The following ANO2 variants were observed in gnomAD, a reference collection of about 807,000 sequenced individuals.
ANO2 encodes the protein anoctamin 2.
Under a neutral mutation model 124.2 loss-of-function variants are expected in ANO2, and 101 were observed. The observed-to-expected ratio is 0.81, with a 90% CI of 0.69 to 0.96. The LOEUF is 0.96. Ranked by LOEUF, ANO2 falls within the 40% of genes least tolerant of loss-of-function variation. The pLI is 0.00. For missense variants in ANO2, 1,293 were observed against 1,274.5 expected, an observed-to-expected ratio of 1.01 and a Z score of -0.22; for synonymous variants, 486 against 482.5, an observed-to-expected ratio of 1.01 and a Z score of -0.09.
At chr12:5,691,209 TC>T (rs1446125296) in intron 14 of ANO2, among the ~76,000 whole-genome samples, 4 of 150,896 alleles carry the variant, frequency 2.7e-5, no homozygotes, top group African/African-American at 9.8e-5. Context: ...ATGCTTGTAA[TC>T]CCAGCTACTC....
intron 10 of ANO2, among the ~76,000 whole-genome samples, chr12:5,766,370 T>C (rs1348575809): frequency 6.6e-6 from 1 of 152,170 alleles, no homozygotes; most frequent in Non-Finnish European, 1.5e-5. Context: ...TATATAGCAA[T>C]GAGAATGAAC....
chr12:5,625,609 C>T lies in ANO2; in HGVS notation c.1816+9543G>A, dbSNP rs138577053. 3.5e-4 allele frequency among the ~76,000 whole-genome samples: 54 copies of T among 152,208 alleles called. 1 individual carries two copies. The highest frequency in any genetic ancestry group is 1.0e-3 in the African/African-American group (42 of 41,542). ...GCCCCTGTGATTCTGCTCCCCAAAA[C>T]CCAAAACCCCCAAACCCCAGCTCAT... On this transcript the variant is annotated intron_variant, in intron 16 of 24. Coordinates refer to ENST00000682330, the MANE Select transcript of ANO2 (RefSeq NM_001364791.2).
At chr12:5,580,649 C>T (rs1287015510) in intron 20 of ANO2, among the ~76,000 whole-genome samples, 5 of 152,132 alleles carry the variant, frequency 3.3e-5, no homozygotes, top group Admixed American at 3.3e-4. Flanking sequence ...AAAACTGACA[C>T]AAATGGGAAA....
At chr12:5,725,371 GA>G (rs1217078529) in intron 14 of ANO2, among the ~76,000 whole-genome samples, 1 of 151,992 alleles carries the variant, frequency 6.6e-6, no homozygotes, top group Non-Finnish European at 1.5e-5. Context: ...TCCAACCAAG[GA>G]CCCCACTTGT....
intron 14 of ANO2, among the ~76,000 whole-genome samples, chr12:5,710,949 G>A (rs1307275856): frequency 6.6e-6 from 1 of 152,030 alleles, no homozygotes; most frequent in Non-Finnish European, 1.5e-5. Flanking sequence ...ACGAGGTCAG[G>A]AGATCGAGAC....
At chr12:5,797,858 G>A (rs1016215189) in intron 10 of ANO2, among the ~76,000 whole-genome samples, 12 of 152,086 alleles carry the variant, frequency 7.9e-5, no homozygotes, top group Admixed American at 1.3e-4. Flanking sequence ...AGACAGATTT[G>A]AGCTCTCCAT....
chr12:5,808,552 C>T (rs1037323600), intron 7 of ANO2, among the ~76,000 whole-genome samples: 1 of 152,070 alleles, frequency 6.6e-6, no homozygotes, highest in African/African-American at 2.4e-5. Context: ...ATTTCTGGTA[C>T]ACAATGATTT....
intron 10 of ANO2, among the ~76,000 whole-genome samples, chr12:5,784,866 G>A (rs979493165): frequency 2.6e-5 from 4 of 152,188 alleles, no homozygotes; most frequent in Admixed American, 6.5e-5. Context: ...TTGCCAACCA[G>A]CCCTTCACCA....
At chr12:5,773,147 G>A (rs776590902) in intron 10 of ANO2, among the ~76,000 whole-genome samples, 5 of 152,188 alleles carry the variant, frequency 3.3e-5, no homozygotes, top group South Asian at 2.1e-4. Flanking sequence ...CACCAGCTCC[G>A]GCTACAGCCC....
chr12:5,756,645 G>T (rs1000531349), intron 10 of ANO2, among the ~76,000 whole-genome samples: 1 of 152,224 alleles, frequency 6.6e-6, no homozygotes, highest in African/African-American at 2.4e-5. Flanking sequence ...TGGGCCTGTT[G>T]CCAGAGTCTG....
intron 14 of ANO2, among the ~76,000 whole-genome samples, chr12:5,716,227 G>C (rs1032964573): frequency 1.3e-5 from 2 of 152,140 alleles, no homozygotes; most frequent in African/African-American, 4.8e-5. Context: ...TGGTCTAGGG[G>C]GCAGGTGATA....
rs753324822 is a variant in ANO2, at chr12:5,576,015, C to T, written c.2440G>A (p.Ala814Thr). 6 of 1,601,710 alleles carry T rather than the reference C, an allele frequency of 3.7e-6. No individual in the cohort carries two copies. The highest frequency in any genetic ancestry group is 2.2e-5 in the South Asian group (2 of 88,916). Residue 814 changes from alanine (A) to threonine (T), a missense_variant and splice_region_variant, in exon 23 of 25, where the codon GCT becomes ACT. Transcript: ENST00000682330. ...GIGKFSVISN[A>T]FVIAITSDFI... ...TCGGAGGTGATCGCAATGACAAAAGCCTGAGGGACAGAACCATAAGCACTG... is the reference window on the plus strand; with the variant it reads ...TCGGAGGTGATCGCAATGACAAAAGTCTGAGGGACAGAACCATAAGCACTG...
chr12:5,664,127 C>T (rs183048452), intron 14 of ANO2, among the ~76,000 whole-genome samples: 84 of 152,360 alleles, frequency 5.5e-4, no homozygotes, highest in African/African-American at 1.7e-3. Flanking sequence ...TATGTGCGCA[C>T]GCATGCATGT....
intron 14 of ANO2, among the ~76,000 whole-genome samples, chr12:5,656,282 A>G (rs1947150671): frequency 6.6e-6 from 1 of 152,216 alleles, no homozygotes; most frequent in Non-Finnish European, 1.5e-5. Context: ...CATTTGTCCA[A>G]CTGCCTAGTG....
At chr12:5,828,826 G>A (rs1161593588) in intron 6 of ANO2, among the ~76,000 whole-genome samples, 2 of 152,230 alleles carry the variant, frequency 1.3e-5, no homozygotes, top group African/African-American at 4.8e-5. Context: ...GAGATGCCCA[G>A]CAATGAAGTC....
intron 3 of ANO2, among the ~76,000 whole-genome samples, chr12:5,890,356 G>A (rs1939306261): frequency 6.6e-6 from 1 of 152,224 alleles, no homozygotes; most frequent in East Asian, 1.9e-4. Flanking sequence ...CCTGTCAGAA[G>A]AGGTCCTTCT....
chr12:5,701,178 A>C (rs1949392972), intron 14 of ANO2, among the ~76,000 whole-genome samples: 1 of 137,280 alleles, frequency 7.3e-6, no homozygotes, highest in Admixed American at 8.3e-5. Flanking sequence ...CTCTCTGTTA[A>C]TTTCCTCATC....
intron 6 of ANO2, 44 bp from the exon 7 acceptor site, chr12:5,827,864 C>T (rs558954291): frequency 6.3e-6 from 10 of 1,579,388 alleles, no homozygotes; most frequent in Non-Finnish European, 8.6e-6. Context: ...TAGTTCCCCC[C>T]CGCCCTCCAC....
intron 22 of ANO2, 141 bp downstream of exon 22, chr12:5,577,814 T>C: frequency 1.3e-6 from 1 of 761,806 alleles, no homozygotes; most frequent in Non-Finnish European, 2.1e-6. Context: ...ATTTGTGAGC[T>C]GTTAACCAGA....
Sources: allele counts gnomAD v4.1 joint callset (sites outside exome capture counted in the v4.1 genomes callset), GRCh38; gene constraint gnomAD v4.1.1; transcripts MANE v1.5; gene names NCBI Gene and HGNC (gene_info 2026-07-23, HGNC 2026-07-21).